NLRC3: variants seen among roughly 807,000 people sequenced by gnomAD.
NLRC3 encodes NLR family CARD domain containing 3.
In NLRC3, 87 loss-of-function variants were observed where a neutral mutation model predicts 91.6. That is an observed-to-expected ratio of 0.95 (90% CI 0.80 to 1.14). The LOEUF is 1.14. Ranked by LOEUF, NLRC3 falls within the 50% of genes most tolerant of loss-of-function variation. The pLI is 0.00. For missense variants in NLRC3, 1,577 were observed against 1,418.6 expected (o/e 1.11, Z -1.79); for synonymous variants, 694 against 625.3 (o/e 1.11, Z -1.64).
At chr16:3,562,862 C>G (rs1215277431) in intron 5 of NLRC3, 147 bp downstream of exon 5, 1 of 781,600 alleles carries the variant, frequency 1.3e-6, no homozygotes, top group Non-Finnish European at 2.2e-6. Flanking sequence ...AGAAAACACA[C>G]TTTAGTTGTT....
At position 3,564,445 on chromosome 16, in the gene NLRC3, A is replaced by G. The variant is rs776836637; in HGVS notation, c.492T>C (p.His164=). 3 of 1,612,782 alleles carry G rather than the reference A, an allele frequency of 1.9e-6. No homozygotes were observed. Among genetic ancestry groups the G allele is most frequent in the Admixed American group, 1.7e-5 (1 of 60,034 alleles). The part of the protein sequence containing the change: ...LVRHFVRLWA[H]GQVGKDFSLV... Reference sequence around the variant, plus strand: ...GCGAGAAGTCCTTGCCGACCTGCCCATGGGCCCAGAGGCGGACGAAGTGCC... The same window carrying G: ...GCGAGAAGTCCTTGCCGACCTGCCCGTGGGCCCAGAGGCGGACGAAGTGCC... The change falls in exon 5 of 20, where the codon CAT becomes CAC. Residue 164 remains histidine, a synonymous_variant. Transcript: ENST00000359128. The surrounding 1 kb of genome is among the most constrained non-coding windows in gnomAD (Gnocchi z 5.9).
intron 9 of NLRC3, among the ~76,000 whole-genome samples, 189 bp downstream of exon 9, chr16:3,554,053 T>C (rs1217521558): frequency 6.6e-6 from 1 of 151,698 alleles, no homozygotes; most frequent in Admixed American, 6.6e-5. Flanking sequence ...AGCCAGGAGG[T>C]TTTATTTTTA....
chr16:3,558,704 G>C (rs755741244), intron 6 of NLRC3, among the ~76,000 whole-genome samples: 17 of 152,118 alleles, frequency 1.1e-4, no homozygotes, highest in Non-Finnish European at 2.1e-4. Context: ...TAGCTGTCCA[G>C]GCTCTTTGCC....
chr16:3,547,642 G>T (rs753467160), intron 15 of NLRC3, among the ~76,000 whole-genome samples: 1 of 151,650 alleles, frequency 6.6e-6, no homozygotes, highest in African/African-American at 2.4e-5. Context: ...GTGTGTATAT[G>T]TGTGTGTGTG....
chr16:3,550,948 C>T (rs915816690), intron 10 of NLRC3, among the ~76,000 whole-genome samples: 16 of 151,982 alleles, frequency 1.1e-4, no homozygotes, highest in Non-Finnish European at 1.9e-4. Context: ...CATCCACTCA[C>T]TTATTGATTT....
chr16:3,566,767 T>A (rs1385367991), intron 2 of NLRC3, among the ~76,000 whole-genome samples: 1 of 150,646 alleles, frequency 6.6e-6, no homozygotes, highest in African/African-American at 2.4e-5. Flanking sequence ...GGCTGGTGCC[T>A]GTAATCCCAG....
At chr16:3,550,838 G>C (rs887269443) in intron 10 of NLRC3, among the ~76,000 whole-genome samples, 1 of 152,096 alleles carries the variant, frequency 6.6e-6, no homozygotes, top group Non-Finnish European at 1.5e-5. Flanking sequence ...AGAAGGTTGG[G>C]GTTCACCCAG....
intron 1 of NLRC3, among the ~76,000 whole-genome samples, chr16:3,574,323 C>T (rs745420969): frequency 9.2e-5 from 14 of 151,980 alleles, no homozygotes; most frequent in African/African-American, 1.2e-4. Context: ...AACCAACGCT[C>T]GGCCTGACCA....
At chr16:3,552,566 G>A (rs907971054) in intron 9 of NLRC3, among the ~76,000 whole-genome samples, 1 of 152,100 alleles carries the variant, frequency 6.6e-6, no homozygotes, top group Non-Finnish European at 1.5e-5. Flanking sequence ...CCCGAATGGG[G>A]ACCTCCATGG....
At chr16:3,548,361 TC>T in intron 14 of NLRC3, 143 bp from the exon 15 acceptor site, 1 of 704,980 alleles carries the variant, frequency 1.4e-6, no homozygotes, top group Non-Finnish European at 2.4e-6. Flanking sequence ...CAGACTTAGT[TC>T]TCAGAGGGTC....
chr16:3,542,110 C>T, intron 19 of NLRC3, 81 bp downstream of exon 19: 2 of 1,047,046 alleles, frequency 1.9e-6, no homozygotes, highest in Non-Finnish European at 2.9e-6. Flanking sequence ...TGGGGGTCAG[C>T]TGGCTCTCAG....
chr16:3,574,221 G>C (rs981962933), intron 1 of NLRC3, among the ~76,000 whole-genome samples: 5 of 151,724 alleles, frequency 3.3e-5, no homozygotes, highest in African/African-American at 9.7e-5. Flanking sequence ...CACCATGTTG[G>C]CCAGGCTGGT....
In NLRC3 at chr16:3,564,431, T is replaced by C; in HGVS notation, c.506A>G (p.Lys169Arg). 6.2e-7 allele frequency: 1 copy of C among 1,612,772 alleles called. No individual in the cohort carries two copies. The highest frequency in any genetic ancestry group is 1.3e-5 in the African/African-American group (1 of 75,068). ...CAGAGGCAGCACCAGCGAGAAGTCCTTGCCGACCTGCCCATGGGCCCAGAG... is the reference window on the plus strand; with the variant it reads ...CAGAGGCAGCACCAGCGAGAAGTCCCTGCCGACCTGCCCATGGGCCCAGAG... ...VRLWAHGQVG[K>R]DFSLVLPLTF... The change falls in exon 5 of 20, where the codon AAG becomes AGG. Residue 169 changes from lysine (K) to arginine (R), a missense_variant. Coordinates refer to ENST00000359128, the MANE Select transcript of NLRC3 (RefSeq NM_178844.4). The surrounding 1 kb of genome is among the most constrained non-coding windows in gnomAD (Gnocchi z 5.9).
chr16:3,564,052 C>CT lies in NLRC3; in HGVS notation c.884dup (p.Val296GlyfsTer24). ...CGGGGAACATCTGCTCCAAACACAC[C>CT]TTGATCTCCTCCTCGTTAAAGCCCC... On this transcript the variant is annotated frameshift_variant, in exon 5 of 20. Coordinates refer to ENST00000359128, the MANE Select transcript of NLRC3 (RefSeq NM_178844.4). LOFTEE classifies it high-confidence loss of function. This position sits in a 1 kb window ranked among gnomAD's most constrained non-coding sequence, Gnocchi z 5.9. The CT allele has an allele frequency of 4.3e-6, 7 of 1,612,760 alleles. No individual in the cohort carries two copies. Among genetic ancestry groups the CT allele is most frequent in the Non-Finnish European group, 5.9e-6 (7 of 1,179,898 alleles).
Position 3,565,348 on chromosome 16 carries a change from A to T in NLRC3, c.-54T>A. The T allele has an allele frequency of 1.6e-6, 1 of 618,348 alleles. No homozygotes were observed. The highest frequency in any genetic ancestry group is 3.4e-5 in the East Asian group (1 of 29,434). The allele number at this position is 618,348 out of a possible 1,614,324, so 38.3% of individuals were successfully genotyped here. Reference sequence around the variant, plus strand: ...TAGGTGACTGAGGGCAGGCTGAGTCACCTCTCTGCGCCTTGGTGTCTTCAT... The same window carrying T: ...TAGGTGACTGAGGGCAGGCTGAGTCTCCTCTCTGCGCCTTGGTGTCTTCAT... On this transcript the variant is annotated 5_prime_UTR_variant, in exon 3 of 20. Transcript: ENST00000359128.
chr16:3,550,356 C>T (rs768866560), intron 11 of NLRC3, 58 bp downstream of exon 11: 21 of 1,175,332 alleles, frequency 1.8e-5, no homozygotes, highest in African/African-American at 1.1e-4. Context: ...GACTGCCGGC[C>T]CACTATCTAC....
At position 3,561,059 on chromosome 16, in the gene NLRC3, A is replaced by C. The variant is rs982322733; in HGVS notation, c.2015+643T>G. ...AATTTGAAATTTAAAATTTTAATTA[A>C]AAATGCAATTGGCTGGGTGCAGTAG... On this transcript the variant is annotated intron_variant, in intron 6 of 19. Transcript: ENST00000359128. 5.3e-5 allele frequency among the ~76,000 whole-genome samples: 8 copies of C among 152,154 alleles called. No individual in the cohort carries two copies. The South Asian group carries it at 1.0e-3, about 20-fold the overall frequency.
intron 12 of NLRC3, 39 bp from the exon 13 acceptor site, chr16:3,549,264 G>T: frequency 6.9e-7 from 1 of 1,459,326 alleles, no homozygotes; most frequent in Non-Finnish European, 9.4e-7. Flanking sequence ...TGACCGGGCA[G>T]ATGAGGTGTC....
At chr16:3,551,746 T>TCCAC (rs1567131166) in intron 10 of NLRC3, among the ~76,000 whole-genome samples, 2 of 22,498 alleles carry the variant, frequency 8.9e-5, no homozygotes. Context: ...CATCCATCCA[T>TCCAC]CCATTCACCA....
Sources: gnomAD v4.1 joint callset for allele counts (sites outside exome capture counted in the v4.1 genomes callset) on GRCh38, gnomAD v4.1.1 for gene constraint, Gnocchi (gnomAD v3.1) non-coding constraint, MANE v1.5 for transcripts, NCBI Gene and HGNC (gene_info 2026-07-23, HGNC 2026-07-21) for gene names.